STK39: variants seen among roughly 807,000 people sequenced by gnomAD.
STK39 encodes the protein serine/threonine kinase 39.
STK39 carries 20 observed loss-of-function variants against 77.8 expected under a neutral mutation model. The ratio of observed to expected loss-of-function variants is 0.26; its 90% CI spans 0.18 to 0.37. STK39 has a LOEUF of 0.37. STK39 is among the 10% of genes least tolerant of loss of function. The probability of loss-of-function intolerance (pLI) is 1.00; values close to 1 mark genes in which losing one functional copy is unlikely to be tolerated. For synonymous variants in STK39, 246 were observed against 234.1 expected (o/e 1.05, Z -0.47); for missense variants, 479 against 656.5 (o/e 0.73, Z 2.95).
chr2:168,163,988 T>C (rs1344722206), intron 3 of STK39, 108 bp from the exon 4 acceptor site: 4 of 1,420,356 alleles, frequency 2.8e-6, no homozygotes, highest in East Asian at 2.4e-5. Context: ...ATGGGCTTTA[T>C]TTAATGCAAA....
In STK39 at chr2:168,074,978, T is replaced by C. The variant is rs1293108997; in HGVS notation, c.1242+4A>G. ...AAAATAATAAATAAATAGCCACAGCTCACCTCTGGATTTTCTTCTTTTACT... is the reference window on the plus strand; with the variant it reads ...AAAATAATAAATAAATAGCCACAGCCCACCTCTGGATTTTCTTCTTTTACT... On this transcript the variant is annotated splice_donor_region_variant and intron_variant, in intron 12 of 17. Transcript: ENST00000355999. 6.2e-7 allele frequency: 1 copy of C among 1,613,220 alleles called. No individual in the cohort carries two copies. The highest frequency in any genetic ancestry group is 8.5e-7 in the Non-Finnish European group (1 of 1,179,992).
At chr2:168,028,091 C>A (rs1461812187) in intron 14 of STK39, among the ~76,000 whole-genome samples, 1 of 152,164 alleles carries the variant, frequency 6.6e-6, no homozygotes, top group Non-Finnish European at 1.5e-5. Context: ...ATGGCTGTTT[C>A]CTCTCCCTAA....
At chr2:168,231,035 C>T (rs895255327) in intron 1 of STK39, among the ~76,000 whole-genome samples, 16 of 152,150 alleles carry the variant, frequency 1.1e-4, no homozygotes, top group Non-Finnish European at 4.4e-5. Context: ...CAATCCCTAC[C>T]TCTATGCCAA....
intron 16 of STK39, among the ~76,000 whole-genome samples, chr2:167,993,162 T>C (rs948632435): frequency 1.3e-5 from 2 of 152,218 alleles, no homozygotes; most frequent in South Asian, 4.1e-4. Context: ...TTTAAAAAGT[T>C]CTAAGACTAT....
At chr2:168,236,141 A>G (rs1011003052) in intron 1 of STK39, among the ~76,000 whole-genome samples, 3 of 151,754 alleles carry the variant, frequency 2.0e-5, no homozygotes, top group Non-Finnish European at 4.4e-5. Flanking sequence ...TTTAATGATC[A>G]CCATTCTAAC....
chr2:167,970,387 AAT>A (rs776672222), intron 16 of STK39, among the ~76,000 whole-genome samples: 17 of 152,196 alleles, frequency 1.1e-4, no homozygotes, highest in Non-Finnish European at 1.6e-4. Flanking sequence ...TGGAAAAATG[AAT>A]CTTTGTGATA....
chr2:168,072,328 G>A (rs771117437), intron 12 of STK39, among the ~76,000 whole-genome samples: 2 of 152,056 alleles, frequency 1.3e-5, no homozygotes, highest in Admixed American at 6.5e-5. Context: ...GGATAAAAGC[G>A]GTCTTTCAGT....
chr2:167,995,953 C>T (rs931133021), intron 16 of STK39, among the ~76,000 whole-genome samples: 3 of 152,116 alleles, frequency 2.0e-5, no homozygotes, highest in Non-Finnish European at 2.9e-5. Context: ...GGGTGCTGGG[C>T]TTTAATGCTC....
intron 14 of STK39, among the ~76,000 whole-genome samples, chr2:168,062,560 T>C (rs1320089716): frequency 6.6e-6 from 1 of 152,134 alleles, no homozygotes; most frequent in East Asian, 1.9e-4. Flanking sequence ...GAGGGGTGAT[T>C]ATGGTGCCAA....
intron 16 of STK39, among the ~76,000 whole-genome samples, chr2:167,995,380 T>C (rs2105288781): frequency 6.6e-6 from 1 of 152,280 alleles, no homozygotes; most frequent in South Asian, 2.1e-4. Context: ...AGTGCTGGGA[T>C]TACAGGCGTG....
At chr2:168,202,559 A>G (rs913737436) in intron 1 of STK39, among the ~76,000 whole-genome samples, 16 of 152,228 alleles carry the variant, frequency 1.1e-4, no homozygotes, top group Admixed American at 9.2e-4. Context: ...CCCTCTAACA[A>G]GCAGGAGACA....
intron 1 of STK39, among the ~76,000 whole-genome samples, chr2:168,213,970 A>G (rs899142385): frequency 2.6e-5 from 4 of 152,232 alleles, no homozygotes; most frequent in Non-Finnish European, 5.9e-5. Context: ...TTCTATAGCC[A>G]CTTTTTATCA....
At chr2:168,064,437 T>C (rs1475244009) in intron 13 of STK39, among the ~76,000 whole-genome samples, 1 of 152,168 alleles carries the variant, frequency 6.6e-6, no homozygotes, top group East Asian at 1.9e-4. Flanking sequence ...GGCCTCTAAC[T>C]AGTGGTGTGA....
intron 5 of STK39, among the ~76,000 whole-genome samples, chr2:168,142,003 A>C (rs989862564): frequency 6.6e-6 from 1 of 152,224 alleles, no homozygotes; most frequent in Non-Finnish European, 1.5e-5. Context: ...AAATAAAAGG[A>C]ATGAAAATTG....
chr2:168,005,951 T>C (rs1217340273), intron 16 of STK39, among the ~76,000 whole-genome samples: 1 of 152,118 alleles, frequency 6.6e-6, no homozygotes, highest in Non-Finnish European at 1.5e-5. Context: ...TAAAGTAAGT[T>C]TTCCTTCCAG....
chr2:167,999,567 T>C (rs2105295136), intron 16 of STK39, among the ~76,000 whole-genome samples: 1 of 152,252 alleles, frequency 6.6e-6, no homozygotes. Context: ...GTTCACGCCA[T>C]TCTCCTGACT....
At chr2:168,187,728 G>T (rs1282147231) in intron 1 of STK39, among the ~76,000 whole-genome samples, 1 of 152,142 alleles carries the variant, frequency 6.6e-6, no homozygotes, top group Non-Finnish European at 1.5e-5. Flanking sequence ...TTCTGTTGAT[G>T]AGTATCCCCT....
intron 14 of STK39, among the ~76,000 whole-genome samples, chr2:168,062,653 T>C (rs1257060959): frequency 6.6e-6 from 1 of 152,166 alleles, no homozygotes; most frequent in Non-Finnish European, 1.5e-5. Flanking sequence ...GCTACAACTC[T>C]GAAAATCCCT....
At chr2:168,162,426 T>C (rs774681707) in intron 4 of STK39, among the ~76,000 whole-genome samples, 68 of 151,708 alleles carry the variant, frequency 4.5e-4, no homozygotes, top group Non-Finnish European at 6.9e-4. Context: ...CATCAGTAAA[T>C]AGACTCTCTA....
Sources: gnomAD v4.1 joint callset for allele counts (sites outside exome capture counted in the v4.1 genomes callset) on GRCh38, gnomAD v4.1.1 for gene constraint, MANE v1.5 for transcripts, NCBI Gene and HGNC (gene_info 2026-07-23, HGNC 2026-07-21) for gene names.